Variants in IMMP2L observed in about 807,000 individuals in gnomAD.
The protein encoded by IMMP2L is inner mitochondrial membrane peptidase subunit 2, also known as mitochondrial inner membrane protease subunit 2.
IMMP2L carries 18 observed loss-of-function variants against 19.3 expected under a neutral mutation model. The ratio of observed to expected loss-of-function variants is 0.93; its 90% CI spans 0.64 to 1.38. The LOEUF (loss-of-function observed/expected upper bound fraction) is 1.38, where lower values mean the gene tolerates loss of function less well. IMMP2L is among the 40% of genes most tolerant of loss of function. IMMP2L has a pLI of 0.00. For synonymous variants in IMMP2L, 76 were observed against 73.0 expected (o/e 1.04, Z -0.21); for missense variants, 233 against 218.2 (o/e 1.07, Z -0.43).
At chr7:111,154,440 C>T (rs1474072567) in intron 3 of IMMP2L, among the ~76,000 whole-genome samples, 1 of 151,934 alleles carries the variant, frequency 6.6e-6, no homozygotes, top group Non-Finnish European at 1.5e-5. Flanking sequence ...TTTTTAAATA[C>T]AATAAGAAAA....
intron 5 of IMMP2L, among the ~76,000 whole-genome samples, chr7:110,862,497 C>T (rs1421281159): frequency 1.3e-5 from 2 of 151,416 alleles, no homozygotes; most frequent in Non-Finnish European, 2.9e-5. Context: ...TGCTCCCAGG[C>T]CCGGCTAATT....
chr7:111,012,528 A>T (rs1350870454), intron 3 of IMMP2L, among the ~76,000 whole-genome samples: 1 of 152,216 alleles, frequency 6.6e-6, no homozygotes, highest in African/African-American at 2.4e-5. Context: ...ACATAGGGGC[A>T]AATGAAACAT....
chr7:110,825,293 A>G (rs978928383), intron 5 of IMMP2L, among the ~76,000 whole-genome samples: 9 of 152,292 alleles, frequency 5.9e-5, no homozygotes, highest in East Asian at 1.9e-4. Flanking sequence ...TGCCATCCCC[A>G]TCAAGCTACC....
At chr7:110,978,163 T>C (rs1301871929) in intron 3 of IMMP2L, among the ~76,000 whole-genome samples, 2 of 152,100 alleles carry the variant, frequency 1.3e-5, no homozygotes, top group East Asian at 3.9e-4. Context: ...CACTAGAAAG[T>C]TGAAAAATAA....
chr7:111,393,008 C>G (rs1388737147), intron 3 of IMMP2L: 1 of 351,282 alleles, frequency 2.8e-6, no homozygotes, highest in African/African-American at 2.1e-5. Context: ...ATTACATAAG[C>G]GTTATTCATT....
chr7:110,751,345 T>C (rs1797706126), intron 5 of IMMP2L, among the ~76,000 whole-genome samples: 2 of 152,096 alleles, frequency 1.3e-5, no homozygotes, highest in South Asian at 4.1e-4. Flanking sequence ...ACATACTTAA[T>C]ATTTGGCTAA....
At chr7:111,464,695 A>C (rs549430119) in intron 3 of IMMP2L, among the ~76,000 whole-genome samples, 10 of 152,306 alleles carry the variant, frequency 6.6e-5, no homozygotes, top group African/African-American at 2.4e-4. Context: ...CTACACATTA[A>C]GTCACTCTAG....
chr7:111,009,613 C>T (rs1824709013), intron 3 of IMMP2L, among the ~76,000 whole-genome samples: 1 of 151,992 alleles, frequency 6.6e-6, no homozygotes, highest in Non-Finnish European at 1.5e-5. Context: ...TTTTGACATA[C>T]TGAAAATGTA....
At chr7:110,802,577 A>C (rs1377404370) in intron 5 of IMMP2L, among the ~76,000 whole-genome samples, 1 of 152,124 alleles carries the variant, frequency 6.6e-6, no homozygotes, top group African/African-American at 2.4e-5. Flanking sequence ...ATTGAGAAAT[A>C]TATAATAAAA....
chr7:110,677,221 T>G (rs17157888), intron 5 of IMMP2L, among the ~76,000 whole-genome samples: 1,879 of 152,130 alleles, frequency 0.012, 43 homozygotes, highest in African/African-American at 0.043. Context: ...GCGAAACAGA[T>G]GCATGGTTTA....
chr7:111,038,199 A>G (rs1395039355), intron 3 of IMMP2L, among the ~76,000 whole-genome samples: 1 of 152,196 alleles, frequency 6.6e-6, no homozygotes, highest in Admixed American at 6.5e-5. Context: ...TTTAAAAGGC[A>G]AAGAAAGAGA....
intron 5 of IMMP2L, among the ~76,000 whole-genome samples, chr7:110,821,306 T>C (rs1208382354): frequency 1.3e-5 from 2 of 152,128 alleles, no homozygotes; most frequent in Non-Finnish European, 2.9e-5. Flanking sequence ...TACACAGCAC[T>C]ACAATAAATG....
chr7:111,266,951 CG>C (rs1817901787), intron 3 of IMMP2L, among the ~76,000 whole-genome samples: 2 of 152,100 alleles, frequency 1.3e-5, no homozygotes, highest in South Asian at 4.1e-4. Context: ...AGTCAAGGCC[CG>C]GGTGTCTTTG....
chr7:111,015,545 A>G (rs558966004), intron 3 of IMMP2L, among the ~76,000 whole-genome samples: 2 of 152,174 alleles, frequency 1.3e-5, no homozygotes, highest in East Asian at 3.9e-4. Context: ...AAGAGGGTAA[A>G]TTTTGCTGTG....
At chr7:111,159,004 C>G (rs1355031673) in intron 3 of IMMP2L, among the ~76,000 whole-genome samples, 1 of 152,060 alleles carries the variant, frequency 6.6e-6, no homozygotes. Context: ...CATAATGTAC[C>G]TTTAGAAGTT....
chr7:110,685,183 A>G (rs1413287488), intron 5 of IMMP2L, among the ~76,000 whole-genome samples: 1 of 152,146 alleles, frequency 6.6e-6, no homozygotes, highest in Non-Finnish European at 1.5e-5. Context: ...CTGGAGCACC[A>G]TAATGTAAAG....
At chr7:111,435,484 T>A (rs560257452) in intron 3 of IMMP2L, among the ~76,000 whole-genome samples, 1 of 151,686 alleles carries the variant, frequency 6.6e-6, no homozygotes, top group Non-Finnish European at 1.5e-5. Flanking sequence ...TGAGTACACA[T>A]GGACATACAG....
At chr7:111,176,692 A>G (rs2129610128) in intron 3 of IMMP2L, among the ~76,000 whole-genome samples, 1 of 152,152 alleles carries the variant, frequency 6.6e-6, no homozygotes, top group East Asian at 1.9e-4. Context: ...TAGAATGAAT[A>G]AAATCTAGTA....
intron 5 of IMMP2L, among the ~76,000 whole-genome samples, chr7:110,872,404 C>T (rs1030939780): frequency 2.0e-5 from 3 of 152,084 alleles, no homozygotes; most frequent in African/African-American, 7.2e-5. Flanking sequence ...TGATATTGTA[C>T]CTCTGTCTCT....
Sources: gnomAD v4.1 joint callset for allele counts (sites outside exome capture counted in the v4.1 genomes callset) on GRCh38, gnomAD v4.1.1 for gene constraint, MANE v1.5 for transcripts, NCBI Gene and HGNC (gene_info 2026-07-23, HGNC 2026-07-21) for gene names.